Variants in PHACTR2 observed in about 807,000 individuals in gnomAD.
PHACTR2 encodes the protein phosphatase and actin regulator 2, also known as chromosome 6 open reading frame 56.
In PHACTR2, 30 loss-of-function variants were observed where a neutral mutation model predicts 76.0. That is an observed-to-expected ratio of 0.39 (90% confidence interval 0.30 to 0.54). The LOEUF (loss-of-function observed/expected upper bound fraction) is 0.54, where lower values mean the gene tolerates loss of function less well. Among genes scored for constraint, PHACTR2 ranks in the 20% least tolerant of loss-of-function variants. The pLI is 0.61. For missense variants in PHACTR2, 696 were observed against 781.1 expected (o/e 0.89, Z 1.30); for synonymous variants, 292 against 292.5 (o/e 1.00, Z 0.02).
intron 1 of PHACTR2, among the ~76,000 whole-genome samples, chr6:143,568,518 T>A (rs1775395147): frequency 6.6e-6 from 1 of 152,224 alleles, no homozygotes; most frequent in Non-Finnish European, 1.5e-5. Flanking sequence ...GTGCTCCAGC[T>A]GCTGGCTCAG....
chr6:143,783,981 CT>C lies in PHACTR2; in HGVS notation c.1707+703del, dbSNP rs1183557924. On this transcript the variant is annotated intron_variant, in intron 10 of 12. Transcript: ENST00000440869. The surrounding 1 kb of genome is among the most constrained non-coding windows in gnomAD (Gnocchi z 5.2). Reference sequence around the variant, plus strand: ...ACCAGCCTGGACAACATAGTGAGACCTTGTTTCAAAAAAAAAGAATTAATTG... The same window carrying C: ...ACCAGCCTGGACAACATAGTGAGACCTGTTTCAAAAAAAAAGAATTAATTG... Among the ~76,000 whole-genome samples, 2 of 147,914 alleles carry C rather than the reference CT, an allele frequency of 1.4e-5. No individual in the cohort carries two copies. The highest frequency in any genetic ancestry group is 6.8e-5 in the Admixed American group (1 of 14,748).
In PHACTR2 at chr6:143,562,390, C is replaced by G. The variant is rs115355990; in HGVS notation, c.217+25183C>G. Among the ~76,000 whole-genome samples, 1,751 of 152,140 alleles carry G rather than the reference C, an allele frequency of 0.012. 36 individuals are homozygous for G. The highest frequency in any genetic ancestry group is 0.037 in the African/African-American group (1,547 of 41,484). On this transcript the variant is annotated intron_variant, in intron 1 of 11. Coordinates refer to the PHACTR2 transcript ENST00000367584. The surrounding 1 kb of genome is among the most constrained non-coding windows in gnomAD (Gnocchi z 5.1). ...CATGGCCAGAGCAGGAGCAAGACAG[C>G]CAGAGACTGGGTTGGAGGTGCCACT...
Position 143,641,651 on chromosome 6 carries a change from C to A in PHACTR2, c.13+33329C>A, listed in dbSNP as rs1321698040. ...CCTCCTGAGTAGCTGGGATTACAGG[C>A]ATGCACCACCCTGCCCAGCTAATTT... is the stretch of plus-strand genomic sequence containing the variant. On this transcript the variant is annotated intron_variant, in intron 1 of 11. Transcript: ENST00000305766. This position sits in a 1 kb window ranked among gnomAD's most constrained non-coding sequence, Gnocchi z 5.8. Among the ~76,000 whole-genome samples the A allele has an allele frequency of 2.6e-5, 4 of 152,076 alleles. No homozygotes were observed. The highest frequency in any genetic ancestry group is 2.1e-4 in the South Asian group (1 of 4,816).
upstream of PHACTR2, among the ~76,000 whole-genome samples, chr6:143,607,783 T>A (rs1562246453): frequency 6.6e-6 from 1 of 152,222 alleles, no homozygotes; most frequent in East Asian, 1.9e-4. Flanking sequence ...CACTTTAAAA[T>A]TTTAAATTGA....
intron 2 of PHACTR2, among the ~76,000 whole-genome samples, chr6:143,729,194 G>T (rs1027550862): frequency 6.6e-6 from 1 of 151,916 alleles, no homozygotes; most frequent in Non-Finnish European, 1.5e-5. Flanking sequence ...TGGGTTATTT[G>T]TTTTCTTACT....
rs868600371 is a variant in PHACTR2 at position 143,783,891 on chromosome 6, C to T, written c.1707+611C>T. Among the ~76,000 whole-genome samples the T allele has an allele frequency of 1.2e-4, 18 of 152,040 alleles. No individual in the cohort carries two copies. The highest frequency in any genetic ancestry group is 3.4e-3 in the Middle Eastern group (1 of 294). On this transcript the variant is annotated intron_variant, in intron 10 of 12. Transcript: ENST00000440869. The surrounding 1 kb of genome is among the most constrained non-coding windows in gnomAD (Gnocchi z 5.2). ...TTGTTTTGAGTCAGGTGCAATGGCA[C>T]GCACCTGTAGTCCCAGCTACTTGGA...
Position 143,570,950 on chromosome 6 carries a change from C to T in PHACTR2, c.217+33743C>T, listed in dbSNP as rs878975204. On this transcript the variant is annotated intron_variant, in intron 1 of 11. Transcript: ENST00000367584. This position sits in a 1 kb window ranked among gnomAD's most constrained non-coding sequence, Gnocchi z 4.6. ...ATGTTTATCAAATGCCCCTGAGACT[C>T]GAAGACGCAAATTATATTCCTATTT... is the stretch of plus-strand genomic sequence containing the variant. 6.6e-6 allele frequency among the ~76,000 whole-genome samples: 1 copy of T among 152,088 alleles called. No individual in the cohort carries two copies. The highest frequency in any genetic ancestry group is 2.4e-5 in the African/African-American group (1 of 41,398).
Position 143,680,186 on chromosome 6 carries a change from T to C in PHACTR2, c.46+1977T>C, listed in dbSNP as rs959052480. ...TTTAAATTAAATAACGTTTGCTGAG[T>C]TTTATATTCATGTCTGTATTTTTCT... is the stretch of plus-strand genomic sequence containing the variant. On this transcript the variant is annotated intron_variant, in intron 1 of 12. Transcript: ENST00000440869. The surrounding 1 kb of genome is among the most constrained non-coding windows in gnomAD (Gnocchi z 4.5). Among the ~76,000 whole-genome samples, 2 of 151,736 alleles carry C rather than the reference T, an allele frequency of 1.3e-5. No individual in the cohort carries two copies. The highest frequency in any genetic ancestry group is 6.6e-5 in the Admixed American group (1 of 15,234).
chr6:143,545,325 C>T (rs545955394), intron 1 of PHACTR2, among the ~76,000 whole-genome samples: 1 of 152,240 alleles, frequency 6.6e-6, no homozygotes, highest in African/African-American at 2.4e-5. Context: ...TTGGCAACAC[C>T]TATGGAAGTG....
chr6:143,795,901 T>C lies in PHACTR2; in HGVS notation c.1845+6991T>C, dbSNP rs1261491312. Reference sequence around the variant, plus strand: ...ATGAGAAGCCAAGCTTTGTTCCCCATTGGTGATATTTTCACCGTTGATTCC... The same window carrying C: ...ATGAGAAGCCAAGCTTTGTTCCCCACTGGTGATATTTTCACCGTTGATTCC... On this transcript the variant is annotated intron_variant, in intron 11 of 12. Coordinates refer to ENST00000440869, the MANE Select transcript of PHACTR2 (RefSeq NM_001100164.2). This position sits in a 1 kb window ranked among gnomAD's most constrained non-coding sequence, Gnocchi z 4.8. 6.6e-6 allele frequency among the ~76,000 whole-genome samples: 1 copy of C among 152,244 alleles called. No homozygotes were observed. The highest frequency in any genetic ancestry group is 6.5e-5 in the Admixed American group (1 of 15,284).
At chr6:143,712,229 G>T in intron 2 of PHACTR2, 46 bp downstream of exon 2, 1 of 1,249,464 alleles carries the variant, frequency 8.0e-7, no homozygotes, top group Non-Finnish European at 1.1e-6. Context: ...ATTGTAAAAC[G>T]TTTTAAAAGG....
At chr6:143,569,714 T>C (rs1441285282) in intron 1 of PHACTR2, among the ~76,000 whole-genome samples, 2 of 152,254 alleles carry the variant, frequency 1.3e-5, no homozygotes, top group Admixed American at 6.5e-5. Flanking sequence ...TTTCCACTTA[T>C]GGCAAGTGAT....
chr6:143,807,139 T>C lies in PHACTR2; in HGVS notation c.1922+6T>C, dbSNP rs750894172. On this transcript the variant is annotated splice_donor_region_variant and intron_variant, in intron 12 of 12. Coordinates refer to ENST00000440869, the MANE Select transcript of PHACTR2 (RefSeq NM_001100164.2). The surrounding 1 kb of genome is among the most constrained non-coding windows in gnomAD (Gnocchi z 5.5). ...GAGAGTCGACAGTTTACAAGGTAGG[T>C]GACAAAATGCAGCTTAGAAATTGAA... is the stretch of plus-strand genomic sequence containing the variant. 6.4e-7 allele frequency: 1 copy of C among 1,563,422 alleles called. No homozygotes were observed. The highest frequency in any genetic ancestry group is 8.8e-7 in the Non-Finnish European group (1 of 1,139,886).
At chr6:143,728,618 G>T (rs1778630981) in intron 2 of PHACTR2, among the ~76,000 whole-genome samples, 1 of 152,040 alleles carries the variant, frequency 6.6e-6, no homozygotes, top group Non-Finnish European at 1.5e-5. Context: ...AAACAGCATG[G>T]TATTTGTATA....
intron 1 of PHACTR2, among the ~76,000 whole-genome samples, chr6:143,601,586 C>A (rs1386559978): frequency 6.6e-6 from 1 of 152,138 alleles, no homozygotes; most frequent in Non-Finnish European, 1.5e-5. Context: ...ATTGAGGAAC[C>A]CTCTCTCTAT....
chr6:143,668,264 G>C (rs1324867354), intron 1 of PHACTR2, among the ~76,000 whole-genome samples: 1 of 152,156 alleles, frequency 6.6e-6, no homozygotes, highest in Non-Finnish European at 1.5e-5. Context: ...ATGTGCTGCT[G>C]GATTCGGTTT....
Position 143,549,075 on chromosome 6 carries a change from G to A in PHACTR2, c.217+11868G>A, listed in dbSNP as rs760455276. ...TCTCCCCCCGACCCAGATTGACATG[G>A]TGCCTGATCTCCTCCCCAGCGAACA... On this transcript the variant is annotated intron_variant, in intron 1 of 11. Transcript: ENST00000367584. The surrounding 1 kb of genome is among the most constrained non-coding windows in gnomAD (Gnocchi z 4.2). Among the ~76,000 whole-genome samples, 1 of 151,970 alleles carries A rather than the reference G, an allele frequency of 6.6e-6. No homozygotes were observed. The highest frequency in any genetic ancestry group is 1.5e-5 in the Non-Finnish European group (1 of 67,952).
intron 1 of PHACTR2, among the ~76,000 whole-genome samples, chr6:143,660,372 T>G (rs905975108): frequency 6.6e-6 from 1 of 152,110 alleles, no homozygotes. Flanking sequence ...AGAGAGCTTG[T>G]GCAGGGAAAC....
Position 143,753,682 on chromosome 6 carries a change from C to A in PHACTR2, c.296-72C>A. ...GAAACATGAATCTAAATTTTACAATCCTAGTAACTGGAAAACTTGTTTTTA... is the reference window on the plus strand; with the variant it reads ...GAAACATGAATCTAAATTTTACAATACTAGTAACTGGAAAACTTGTTTTTA... On this transcript the variant is annotated intron_variant, in intron 3 of 12. Coordinates refer to ENST00000440869, the MANE Select transcript of PHACTR2 (RefSeq NM_001100164.2). This position sits in a 1 kb window ranked among gnomAD's most constrained non-coding sequence, Gnocchi z 4.6. 9.3e-7 allele frequency: 1 copy of A among 1,071,830 alleles called. No homozygotes were observed. Among genetic ancestry groups the A allele is most frequent in the Non-Finnish European group, 1.4e-6 (1 of 734,398 alleles). 66.4% of individuals were successfully genotyped at this position (1,071,830 alleles called of 1,614,324 possible).
Sources: allele counts gnomAD v4.1 joint callset (sites outside exome capture counted in the v4.1 genomes callset), GRCh38; gene constraint gnomAD v4.1.1; non-coding constraint Gnocchi (gnomAD v3.1); transcripts MANE v1.5; gene names NCBI Gene and HGNC (gene_info 2026-07-23, HGNC 2026-07-21).